The following TK1 variants were observed in gnomAD, a reference collection of about 807,000 sequenced individuals.
The protein encoded by TK1 is thymidine kinase 1, also known as thymidine kinase, cytosolic.
Under a neutral mutation model 22.4 loss-of-function variants are expected in TK1, and 13 were observed. The ratio of observed to expected loss-of-function variants is 0.58; its 90% confidence interval spans 0.38 to 0.92. The LOEUF (loss-of-function observed/expected upper bound fraction) is 0.92, where lower values mean the gene tolerates loss of function less well. TK1 is among the 40% of genes least tolerant of loss of function. The pLI is 0.00. For synonymous variants in TK1, 134 were observed against 125.4 expected (o/e 1.07, Z -0.46); for missense variants, 251 against 315.7 (o/e 0.80, Z 1.55).
chr17:78,180,482 A>C (rs151073442), intron 4 of TK1, among the ~76,000 whole-genome samples: 5 of 152,390 alleles, frequency 3.3e-5, no homozygotes, highest in Admixed American at 6.5e-5. Flanking sequence ...TCCAAAGCAG[A>C]GGAAAGAAAA....
chr17:78,185,094 T>C lies in TK1; in HGVS notation c.170A>G (p.Lys57Arg). 3 of 1,611,950 alleles carry C rather than the reference T, an allele frequency of 1.9e-6. No homozygotes were observed. Among genetic ancestry groups the C allele is most frequent in the African/African-American group, 2.7e-5 (2 of 74,288 alleles). The change falls in exon 3 of 7, where the codon AAA becomes AGA. Residue 57 changes from lysine (K) to arginine (R), a missense_variant. Lys to Arg is a conservative substitution (Grantham distance 26). Transcript: ENST00000301634. The part of the protein sequence containing the change: ...QYKCLVIKYA[K>R]DTRYSSSFCT... ...GAAGCTGCTGCTGTAGCGAGTGTCTTTGGCATACTTGATCACCAGGCACTT... is the reference window on the plus strand; with the variant it reads ...GAAGCTGCTGCTGTAGCGAGTGTCTCTGGCATACTTGATCACCAGGCACTT...
At chr17:78,175,288 C>T in intron 5 of TK1, 119 bp from the exon 6 acceptor site, 1 of 1,366,256 alleles carries the variant, frequency 7.3e-7, no homozygotes, top group Non-Finnish European at 9.6e-7. Flanking sequence ...TTAGTCCTTC[C>T]CCCAACCCCC....
In TK1 at chr17:78,182,676, G is replaced by A. The variant is rs747107314; in HGVS notation, c.216C>T (p.Thr72=). 1.3e-6 allele frequency: 2 copies of A among 1,575,292 alleles called. No homozygotes were observed. Among genetic ancestry groups the A allele is most frequent in the Non-Finnish European group, 1.7e-6 (2 of 1,164,690 alleles). ...GCAGGCAGGCGGGCAGTGCCTCCATGGTGTTCCTGGGAAGAGAAAGCCAGA... is the reference window on the plus strand; with the variant it reads ...GCAGGCAGGCGGGCAGTGCCTCCATAGTGTTCCTGGGAAGAGAAAGCCAGA... ...SSSFCTHDRN[T]MEALPACLLR... The change falls in exon 4 of 7, where the codon ACC becomes ACT. Residue 72 remains threonine (T), a synonymous_variant. Coordinates refer to ENST00000301634, the MANE Select transcript of TK1 (RefSeq NM_003258.5).
At chr17:78,175,805 G>C (rs1220871170) in intron 4 of TK1, among the ~76,000 whole-genome samples, 187 bp from the exon 5 acceptor site, 1 of 152,126 alleles carries the variant, frequency 6.6e-6, no homozygotes, top group African/African-American at 2.4e-5. Context: ...GCAGACGACA[G>C]GTACATCCAC....
At chr17:78,186,631 G>C (rs572854839) in intron 2 of TK1, among the ~76,000 whole-genome samples, 156 bp downstream of exon 2, 1 of 149,274 alleles carries the variant, frequency 6.7e-6, no homozygotes, top group Non-Finnish European at 1.5e-5. Flanking sequence ...CCCCAGGCGG[G>C]AGCTGTAGGA....
chr17:78,182,550 A>G (rs1309993326), intron 4 of TK1, 39 bp downstream of exon 4: 1 of 1,483,612 alleles, frequency 6.7e-7, no homozygotes, highest in Non-Finnish European at 9.1e-7. Flanking sequence ...ACAGAGCGGA[A>G]GCTGGCAGGA....
intron 4 of TK1, chr17:78,179,175 G>C: frequency 1.0e-6 from 1 of 985,410 alleles, no homozygotes; most frequent in Non-Finnish European, 1.2e-6. Flanking sequence ...CACAGCGGCA[G>C]GTCTGAAGGA....
intron 2 of TK1, among the ~76,000 whole-genome samples, chr17:78,185,698 G>T (rs888242060): frequency 7.4e-5 from 11 of 149,382 alleles, no homozygotes; most frequent in East Asian, 3.9e-4. Context: ...ATAATTTTTG[G>T]TTTTTTTTTT....
intron 4 of TK1, among the ~76,000 whole-genome samples, 163 bp downstream of exon 4, chr17:78,182,426 G>A (rs970610992): frequency 2.2e-4 from 33 of 151,648 alleles, no homozygotes; most frequent in Non-Finnish European, 3.5e-4. Context: ...CACTATGACA[G>A]GGAAACTAGA....
chr17:78,186,128 C>CG (rs60025049), intron 2 of TK1, among the ~76,000 whole-genome samples: 5,098 of 147,246 alleles, frequency 0.035, 279 homozygotes, highest in East Asian at 0.25. Context: ...TGGGTGGAGG[C>CG]GGGGGGGTGC....
chr17:78,186,321 G>A (rs952794453), intron 2 of TK1, among the ~76,000 whole-genome samples: 1 of 152,120 alleles, frequency 6.6e-6, no homozygotes, highest in Non-Finnish European at 1.5e-5. Context: ...TCAGGGAATG[G>A]TTCTATCACC....
At chr17:78,178,512 C>T (rs138198055) in intron 4 of TK1, among the ~76,000 whole-genome samples, 12 of 152,332 alleles carry the variant, frequency 7.9e-5, no homozygotes, top group African/African-American at 2.6e-4. Flanking sequence ...AAGGCAGGTT[C>T]GGCTGGGCTT....
chr17:78,176,964 C>T (rs2075705072), intron 4 of TK1, among the ~76,000 whole-genome samples: 1 of 152,226 alleles, frequency 6.6e-6, no homozygotes, highest in Admixed American at 6.5e-5. Flanking sequence ...CTTCACCCGC[C>T]ACATGAGGGT....
intron 4 of TK1, among the ~76,000 whole-genome samples, chr17:78,182,098 G>T (rs2075741931): frequency 6.6e-6 from 1 of 152,076 alleles, no homozygotes; most frequent in South Asian, 2.1e-4. Flanking sequence ...CAATGGCCAG[G>T]TGTGGTAGCT....
At position 78,174,538 on chromosome 17, in the gene TK1, C is replaced by T. The variant is rs2075683030; in HGVS notation, c.*221G>A. On this transcript the variant is annotated 3_prime_UTR_variant, in exon 7 of 7. Coordinates refer to ENST00000301634, the MANE Select transcript of TK1 (RefSeq NM_003258.5). ...CGGGGCCAGCTCCAGCCTGGGCGAT[C>T]GTCCCAGCAGCTGAGAGGGAAGCTT... is the stretch of plus-strand genomic sequence containing the variant. 3 of 572,428 alleles carry T rather than the reference C, an allele frequency of 5.2e-6. No individual in the cohort carries two copies. The highest frequency in any genetic ancestry group is 6.2e-5 in the East Asian group (2 of 32,210). The allele number at this position is 572,428 out of a possible 1,614,324, so 35.5% of individuals were successfully genotyped here. A position where few individuals can be genotyped will look rare whatever the true frequency, so the allele number is the denominator to read the frequency against.
chr17:78,175,270 C>T, intron 5 of TK1, 101 bp from the exon 6 acceptor site: 1 of 1,410,796 alleles, frequency 7.1e-7, no homozygotes, highest in African/African-American at 1.6e-5. Context: ...GGAGAGTTTG[C>T]TCTGACCTTA....
At chr17:78,186,097 T>C (rs976992912) in intron 2 of TK1, among the ~76,000 whole-genome samples, 2 of 146,376 alleles carry the variant, frequency 1.4e-5, no homozygotes, top group African/African-American at 2.7e-5. Flanking sequence ...CCCAGCTCTA[T>C]AAAAATAAAA....
Position 78,175,052 on chromosome 17 carries a change from CCTT to C in TK1, c.508_510del (p.Lys170del). On this transcript the variant is annotated inframe_deletion, in exon 6 of 7. Coordinates refer to ENST00000301634, the MANE Select transcript of TK1 (RefSeq NM_003258.5). ...GCAGGGAAGGCAGGTGGAGCTACCT[CCTT>C]CTCTGTGCCGAGCCTCTTGGTATAG... is the stretch of plus-strand genomic sequence containing the variant. The C allele has an allele frequency of 6.2e-7, 1 of 1,613,424 alleles. No homozygotes were observed. The highest frequency in any genetic ancestry group is 1.7e-5 in the Admixed American group (1 of 59,964).
At chr17:78,179,576 G>A (rs975543304) in intron 4 of TK1, 2 of 985,312 alleles carry the variant, frequency 2.0e-6, no homozygotes, top group African/African-American at 3.5e-5. Flanking sequence ...AATGGAATTT[G>A]CAGCTGTGAC....
Sources: allele counts gnomAD v4.1 joint callset (sites outside exome capture counted in the v4.1 genomes callset), GRCh38; gene constraint gnomAD v4.1.1; transcripts MANE v1.5; gene names NCBI Gene and HGNC (gene_info 2026-07-23, HGNC 2026-07-21).